Variants in CNTNAP4 observed in about 807,000 individuals in gnomAD.
CNTNAP4 encodes contactin-associated protein-like 4.
Under a neutral mutation model 148.4 loss-of-function variants are expected in CNTNAP4, and 98 were observed. That is an observed-to-expected ratio of 0.66 (90% CI 0.56 to 0.78). CNTNAP4 has a LOEUF of 0.78. Among genes scored for constraint, CNTNAP4 ranks in the 30% least tolerant of loss-of-function variants. The probability of loss-of-function intolerance (pLI) is 0.00; values close to 1 mark genes in which losing one functional copy is unlikely to be tolerated. For missense variants in CNTNAP4, 1,935 were observed against 1,565.6 expected, an observed-to-expected ratio of 1.24 and a Z score of -3.98; for synonymous variants, 730 against 565.1, an observed-to-expected ratio of 1.29 and a Z score of -4.14.
chr16:76,320,001 G>C (rs1202554910), intron 2 of CNTNAP4, among the ~76,000 whole-genome samples: 2 of 152,330 alleles, frequency 1.3e-5, no homozygotes, highest in African/African-American at 4.8e-5. Flanking sequence ...TTAAAATATG[G>C]AAGTGGCTTT....
chr16:76,473,696 C>A (rs1323601414), intron 10 of CNTNAP4, among the ~76,000 whole-genome samples: 1 of 152,044 alleles, frequency 6.6e-6, no homozygotes, highest in Non-Finnish European at 1.5e-5. Flanking sequence ...ATGGCATGAA[C>A]CTGGGAGGCG....
Position 76,449,809 on chromosome 16 carries a change from T to G in CNTNAP4, c.1022T>G (p.Val341Gly). 1.2e-6 allele frequency: 2 copies of G among 1,605,830 alleles called. No homozygotes were observed. The highest frequency in any genetic ancestry group is 1.7e-6 in the Non-Finnish European group (2 of 1,176,090). Reference protein sequence around the residue: ...GCLENLYYNGVDIIDLAKQQK... With the variant: ...GCLENLYYNGGDIIDLAKQQK... ...TTAGAAAATCTCTATTATAATGGAGTGGATATCATTGATTTGGCCAAGCAG... is the reference window on the plus strand; with the variant it reads ...TTAGAAAATCTCTATTATAATGGAGGGGATATCATTGATTTGGCCAAGCAG... The change falls in exon 7 of 24, where the codon GTG becomes GGG. Residue 341 changes from valine to glycine, a missense_variant. Transcript: ENST00000611870.
chr16:76,551,886 A>G (rs560608388), intron 21 of CNTNAP4, among the ~76,000 whole-genome samples: 1 of 152,280 alleles, frequency 6.6e-6, no homozygotes, highest in East Asian at 1.9e-4. Context: ...GAAAGACTAA[A>G]GTGCACATTT....
chr16:76,379,392 T>C (rs1567928215), intron 3 of CNTNAP4, among the ~76,000 whole-genome samples: 1 of 152,208 alleles, frequency 6.6e-6, no homozygotes, highest in Non-Finnish European at 1.5e-5. Context: ...TAATTTTTCA[T>C]TTCATTACAA....
chr16:76,351,806 C>G (rs2011810290), intron 2 of CNTNAP4, among the ~76,000 whole-genome samples: 1 of 152,172 alleles, frequency 6.6e-6, no homozygotes, highest in Non-Finnish European at 1.5e-5. Context: ...CCTCTTTCTC[C>G]TGATGAGAAT....
chr16:76,326,793 C>A (rs954190244), intron 2 of CNTNAP4, among the ~76,000 whole-genome samples: 27 of 94,710 alleles, frequency 2.9e-4, no homozygotes, highest in African/African-American at 1.1e-3. Context: ...ACACCGGGGC[C>A]TGTTGTGGGG....
intron 13 of CNTNAP4, among the ~76,000 whole-genome samples, chr16:76,494,185 C>T (rs1366157792): frequency 2.6e-5 from 4 of 151,766 alleles, no homozygotes; most frequent in African/African-American, 4.8e-5. Context: ...TACTTGGCAT[C>T]GTGTTTAGTC....
At chr16:76,407,824 A>G (rs1369223757) in intron 3 of CNTNAP4, among the ~76,000 whole-genome samples, 1 of 152,102 alleles carries the variant, frequency 6.6e-6, no homozygotes, top group Non-Finnish European at 1.5e-5. Flanking sequence ...ATTGACTTTA[A>G]TTTTCAAGTT....
chr16:76,534,108 G>C (rs549538485), intron 17 of CNTNAP4, among the ~76,000 whole-genome samples: 2 of 152,278 alleles, frequency 1.3e-5, no homozygotes, highest in Non-Finnish European at 2.9e-5. Context: ...CTCAGTCTCA[G>C]AGACCCAAGC....
intron 3 of CNTNAP4, among the ~76,000 whole-genome samples, chr16:76,379,761 C>T (rs559659700): frequency 6.6e-6 from 1 of 152,192 alleles, no homozygotes; most frequent in Non-Finnish European, 1.5e-5. Context: ...ACTGACTGAT[C>T]TTAGCTGGTT....
intron 1 of CNTNAP4, chr16:76,309,778 T>C (rs1960891489): frequency 5.8e-6 from 4 of 694,260 alleles, no homozygotes; most frequent in Middle Eastern, 3.7e-4. Context: ...GGCTTTCCCG[T>C]GCTATTCTCG....
intron 8 of CNTNAP4, among the ~76,000 whole-genome samples, chr16:76,454,513 C>G (rs2080646191): frequency 6.6e-6 from 1 of 152,074 alleles, no homozygotes; most frequent in Non-Finnish European, 1.5e-5. Flanking sequence ...CATAAGGATA[C>G]TAGACTAAAT....
rs2084186285 is a variant in CNTNAP4 at position 76,535,723 on chromosome 16, A to G, written c.2934A>G (p.Arg978=). 1 of 1,613,922 alleles carries G rather than the reference A, an allele frequency of 6.2e-7. No individual in the cohort carries two copies. Among genetic ancestry groups the G allele is most frequent in the African/African-American group, 1.3e-5 (1 of 75,044 alleles). ...LCRNGGKCRE[R]PIGFFCDCTF... ...GCAATGGAGGGAAATGCAGAGAAAG[A>G]CCCATTGGGTTCTTTTGTGACTGCA... Residue 978 remains arginine (R), a synonymous_variant, in exon 18 of 24, where the codon AGA becomes AGG. Coordinates refer to ENST00000611870, the MANE Select transcript of CNTNAP4 (RefSeq NM_033401.5).
At chr16:76,503,283 A>G (rs1294388634) in intron 15 of CNTNAP4, among the ~76,000 whole-genome samples, 1 of 152,168 alleles carries the variant, frequency 6.6e-6, no homozygotes, top group Non-Finnish European at 1.5e-5. Flanking sequence ...AAGGAGAGGA[A>G]TTCAAGGCAT....
At chr16:76,310,984 T>TC (rs1269111703) in intron 1 of CNTNAP4, among the ~76,000 whole-genome samples, 2 of 152,132 alleles carry the variant, frequency 1.3e-5, no homozygotes, top group Non-Finnish European at 2.9e-5. Flanking sequence ...TGCTCTTTTT[T>TC]CCTCAAGTGT....
chr16:76,452,785 C>A lies in CNTNAP4; in HGVS notation c.1333+16C>A. The A allele has an allele frequency of 6.5e-7, 1 of 1,530,548 alleles. No individual in the cohort carries two copies. The highest frequency in any genetic ancestry group is 8.8e-7 in the Non-Finnish European group (1 of 1,139,600). The allele number at this position is 1,530,548 out of a possible 1,614,324, so 94.8% of individuals were successfully genotyped here. On this transcript the variant is annotated intron_variant, in intron 8 of 23. Transcript: ENST00000611870. ...ATCACAGCAGGTAATAAATGTATTC[C>A]CTGGGGCAAAGCATATGGATTTGAA...
intron 21 of CNTNAP4, 43 bp from the exon 22 acceptor site, chr16:76,553,240 C>A: frequency 1.6e-6 from 2 of 1,268,598 alleles, no homozygotes; most frequent in Non-Finnish European, 2.2e-6. Flanking sequence ...CGCCTATTTT[C>A]ACTTTTCACT....
intron 10 of CNTNAP4, among the ~76,000 whole-genome samples, chr16:76,474,361 A>G (rs983738182): frequency 6.6e-6 from 1 of 152,160 alleles, no homozygotes; most frequent in African/African-American, 2.4e-5. Context: ...TCTAAAGTAA[A>G]CGCTCTAAGA....
At chr16:76,312,992 T>C (rs1485068651) in intron 1 of CNTNAP4, among the ~76,000 whole-genome samples, 1 of 152,080 alleles carries the variant, frequency 6.6e-6, no homozygotes, top group Admixed American at 6.6e-5. Flanking sequence ...TGTATGCCCA[T>C]GGTAAAGAAT....
Sources: allele counts gnomAD v4.1 joint callset (sites outside exome capture counted in the v4.1 genomes callset), GRCh38; gene constraint gnomAD v4.1.1; transcripts MANE v1.5; gene names NCBI Gene and HGNC (gene_info 2026-07-23, HGNC 2026-07-21).